The following ARHGAP39 variants were observed in gnomAD, a reference collection of about 807,000 sequenced individuals.
The protein encoded by ARHGAP39 is Rho GTPase activating protein 39.
ARHGAP39 carries 44 observed loss-of-function variants against 106.9 expected under a neutral mutation model. The observed-to-expected ratio is 0.41, with a 90% CI of 0.32 to 0.53. ARHGAP39 has a LOEUF of 0.53. ARHGAP39 is among the 20% of genes least tolerant of loss of function. The probability of loss-of-function intolerance (pLI) is 0.21; values close to 1 mark genes in which losing one functional copy is unlikely to be tolerated. For synonymous variants in ARHGAP39, 768 were observed against 693.2 expected (o/e 1.11, Z -1.69); for missense variants, 1,496 against 1,577.3 (o/e 0.95, Z 0.87).
chr8:144,644,902 A>T lies in ARHGAP39; in HGVS notation c.-81-39207T>A, dbSNP rs1011704840. On this transcript the variant is annotated intron_variant, in intron 1 of 11. Transcript: ENST00000377307. The surrounding 1 kb of genome is among the most constrained non-coding windows in gnomAD (Gnocchi z 4.8). ...TCAGAACTCAATTTCATCTCATCAG[A>T]CTCTGCCCCTAGCAGGTCCTCTGCT... is the stretch of plus-strand genomic sequence containing the variant. Among the ~76,000 whole-genome samples the T allele has an allele frequency of 1.3e-5, 2 of 151,928 alleles. No homozygotes were observed. The highest frequency in any genetic ancestry group is 2.9e-5 in the Non-Finnish European group (2 of 67,948).
intron 8 of ARHGAP39, 26 bp downstream of exon 8, chr8:144,534,103 C>T: frequency 6.2e-7 from 1 of 1,610,644 alleles, no homozygotes; most frequent in Non-Finnish European, 8.5e-7. Context: ...CGCCTGCCCT[C>T]CCCGGCCCCC....
At chr8:144,637,084 G>C (rs1821190288) in intron 1 of ARHGAP39, among the ~76,000 whole-genome samples, 1 of 152,142 alleles carries the variant, frequency 6.6e-6, no homozygotes, top group South Asian at 2.1e-4. Flanking sequence ...ACAGTGTGTG[G>C]GTGTCTGGTG....
At chr8:144,663,141 T>C (rs1395830792) in intron 1 of ARHGAP39, among the ~76,000 whole-genome samples, 1 of 129,786 alleles carries the variant, frequency 7.7e-6, no homozygotes, top group South Asian at 2.6e-4. Context: ...ATTATCCACC[T>C]TGGACCACTC....
rs1354297113 is a variant in ARHGAP39, at chr8:144,670,991, C to G, written c.-82+14695G>C. 6.6e-6 allele frequency among the ~76,000 whole-genome samples: 1 copy of G among 152,200 alleles called. No individual in the cohort carries two copies. The highest frequency in any genetic ancestry group is 1.5e-5 in the Non-Finnish European group (1 of 68,030). On this transcript the variant is annotated intron_variant, in intron 1 of 11. Coordinates refer to ENST00000377307, the MANE Select transcript of ARHGAP39 (RefSeq NM_025251.3). The surrounding 1 kb of genome is among the most constrained non-coding windows in gnomAD (Gnocchi z 4.4). ...TGCTCCCTCCTCCCACACCAGAGACCCCCACCACACACATGTGCTCACACT... is the reference window on the plus strand; with the variant it reads ...TGCTCCCTCCTCCCACACCAGAGACGCCCACCACACACATGTGCTCACACT...
intron 7 of ARHGAP39, among the ~76,000 whole-genome samples, chr8:144,535,324 AT>A (rs537224710): frequency 3.3e-5 from 5 of 151,000 alleles, no homozygotes; most frequent in South Asian, 2.1e-4. Flanking sequence ...ACCAAAATGA[AT>A]TTTTTTTTTC....
chr8:144,644,140 G>A lies in ARHGAP39; in HGVS notation c.-81-38445C>T, dbSNP rs1469093103. On this transcript the variant is annotated intron_variant, in intron 1 of 11. Coordinates refer to ENST00000377307, the MANE Select transcript of ARHGAP39 (RefSeq NM_025251.3). The surrounding 1 kb of genome is among the most constrained non-coding windows in gnomAD (Gnocchi z 4.8). ...CACATTCCCGGCAGCACCATTCACA[G>A]GAGCCAAACACAGCACAGCCCCACG... Among the ~76,000 whole-genome samples, 1 of 152,156 alleles carries A rather than the reference G, an allele frequency of 6.6e-6. No individual in the cohort carries two copies. The highest frequency in any genetic ancestry group is 2.4e-5 in the African/African-American group (1 of 41,430).
intron 2 of ARHGAP39, among the ~76,000 whole-genome samples, chr8:144,588,777 A>G (rs903489007): frequency 2.0e-5 from 3 of 152,262 alleles, no homozygotes; most frequent in Admixed American, 2.0e-4. Context: ...ACCATGGCCA[A>G]CGTGGGCAGG....
chr8:144,602,292 T>TGC (rs1820032068), intron 2 of ARHGAP39, among the ~76,000 whole-genome samples: 1 of 133,246 alleles, frequency 7.5e-6, no homozygotes, highest in African/African-American at 2.9e-5. Flanking sequence ...GAGGCGTGTG[T>TGC]GCTCGTGTAC....
intron 6 of ARHGAP39, among the ~76,000 whole-genome samples, chr8:144,538,477 A>C (rs775703401): frequency 2.6e-5 from 4 of 151,982 alleles, no homozygotes; most frequent in Non-Finnish European, 4.4e-5. Flanking sequence ...TGGAGGGTGG[A>C]TATGTACGTA....
intron 6 of ARHGAP39, among the ~76,000 whole-genome samples, chr8:144,544,956 G>A (rs1030036314): frequency 2.0e-5 from 3 of 152,274 alleles, no homozygotes; most frequent in African/African-American, 7.2e-5. Flanking sequence ...GCCCTTGTCA[G>A]GGAGCGGGAC....
chr8:144,628,458 G>T (rs570452420), intron 1 of ARHGAP39, among the ~76,000 whole-genome samples: 1 of 152,184 alleles, frequency 6.6e-6, no homozygotes, highest in South Asian at 2.1e-4. Flanking sequence ...GGCATGCCAA[G>T]TCAAACGGCA....
chr8:144,558,319 C>T (rs1260295902), intron 3 of ARHGAP39, among the ~76,000 whole-genome samples: 1 of 152,056 alleles, frequency 6.6e-6, no homozygotes, highest in Non-Finnish European at 1.5e-5. Flanking sequence ...TGGAGTCTCT[C>T]TCTCTCACCC....
At chr8:144,619,403 T>TGTGC in intron 1 of ARHGAP39, among the ~76,000 whole-genome samples, 1 of 151,664 alleles carries the variant, frequency 6.6e-6, no homozygotes, top group African/African-American at 2.4e-5. Context: ...CCCATGTGCG[T>TGTGC]GTGCGCCCGT....
Position 144,619,791 on chromosome 8 carries a change from A to C in ARHGAP39, c.-81-14096T>G, listed in dbSNP as rs113379903. ...GTGTGTGTGAGCCTGTGTCCGAGAG[A>C]GCGCGTGCCCGTGTGTGTGAGCTTG... is the stretch of plus-strand genomic sequence containing the variant. On this transcript the variant is annotated intron_variant, in intron 1 of 11. Coordinates refer to ENST00000377307, the MANE Select transcript of ARHGAP39 (RefSeq NM_025251.3). Among the ~76,000 whole-genome samples the C allele has an allele frequency of 2.9e-3, 424 of 144,050 alleles. 3 individuals carry two copies. The highest frequency in any genetic ancestry group is 0.01 in the African/African-American group (385 of 38,188). 94.5% of individuals were successfully genotyped at this position (144,050 alleles called of 152,430 possible). A position where few individuals can be genotyped will look rare whatever the true frequency, so the allele number is the denominator to read the frequency against.
chr8:144,564,598 A>T (rs955264391), intron 3 of ARHGAP39, among the ~76,000 whole-genome samples: 1 of 152,224 alleles, frequency 6.6e-6, no homozygotes, highest in Non-Finnish European at 1.5e-5. Flanking sequence ...AGCTAGAGAA[A>T]TGACTGAACA....
intron 9 of ARHGAP39, 49 bp downstream of exon 9, chr8:144,533,077 G>A: frequency 6.4e-7 from 1 of 1,571,540 alleles, no homozygotes; most frequent in Non-Finnish European, 8.6e-7. Flanking sequence ...ATGCATGGTG[G>A]ACACATGGCT....
chr8:144,555,410 G>T, intron 4 of ARHGAP39, 150 bp downstream of exon 4: 1 of 705,910 alleles, frequency 1.4e-6, no homozygotes, highest in East Asian at 2.6e-5. Flanking sequence ...TCCTGTCCAG[G>T]CCCCTGGCCC....
chr8:144,676,176 T>A (rs1210581593), intron 1 of ARHGAP39, among the ~76,000 whole-genome samples: 1 of 152,224 alleles, frequency 6.6e-6, no homozygotes, highest in Non-Finnish European at 1.5e-5. Context: ...TTGGGTGGCC[T>A]GCTTTTATTC....
At chr8:144,615,342 C>A (rs967245985) in intron 1 of ARHGAP39, among the ~76,000 whole-genome samples, 4 of 151,596 alleles carry the variant, frequency 2.6e-5, no homozygotes, top group Admixed American at 2.6e-4. Flanking sequence ...AAAAAAAAAA[C>A]AAGTCTGTAT....
Sources: allele counts gnomAD v4.1 joint callset (sites outside exome capture counted in the v4.1 genomes callset), GRCh38; gene constraint gnomAD v4.1.1; non-coding constraint Gnocchi (gnomAD v3.1); transcripts MANE v1.5; gene names NCBI Gene and HGNC (gene_info 2026-07-23, HGNC 2026-07-21).